The following SEZ6L variants were observed in gnomAD, a reference collection of about 807,000 sequenced individuals.
The protein encoded by SEZ6L is seizure 6-like protein.
A neutral mutation model predicts 106.2 loss-of-function variants in SEZ6L; 37 were observed. The observed-to-expected ratio is 0.35, with a 90% confidence interval of 0.27 to 0.46. The LOEUF (loss-of-function observed/expected upper bound fraction) is 0.46, where lower values mean the gene tolerates loss of function less well. Among genes scored for constraint, SEZ6L ranks in the 20% least tolerant of loss-of-function variants. The probability of loss-of-function intolerance (pLI) is 1.00; values close to 1 mark genes in which losing one functional copy is unlikely to be tolerated. For synonymous variants in SEZ6L, 541 were observed against 570.4 expected (o/e 0.95, Z 0.73); for missense variants, 1,172 against 1,332.8 (o/e 0.88, Z 1.88).
intron 2 of SEZ6L, 76 bp from the exon 3 acceptor site, chr22:26,294,216 C>A: frequency 1.3e-6 from 2 of 1,481,792 alleles, no homozygotes. Context: ...CTAAAGCCCC[C>A]ATTCCACCCC....
chr22:26,382,513 G>A lies in SEZ6L; in HGVS notation c.*2218G>A, dbSNP rs2084439995. The A allele has an allele frequency of 6.6e-6, 1 of 152,468 alleles. No individual in the cohort carries two copies. Among genetic ancestry groups the A allele is most frequent in the Admixed American group, 6.5e-5 (1 of 15,300 alleles). The allele number at this position is 152,468 out of a possible 1,614,324, so 9.4% of individuals were successfully genotyped here. A position where few individuals can be genotyped will look rare whatever the true frequency, so the allele number is the denominator to read the frequency against. ...CTATTGGAAAGATAGAAAAGGCGTT[G>A]TGTTTTTTGTTTTTTTGTTGTTGTT... On this transcript the variant is annotated 3_prime_UTR_variant, in exon 17 of 17. Coordinates refer to ENST00000248933, the MANE Select transcript of SEZ6L (RefSeq NM_021115.5).
chr22:26,271,522 C>T (rs7289003), intron 1 of SEZ6L, among the ~76,000 whole-genome samples: 8,994 of 152,188 alleles, frequency 0.059, 434 homozygotes, highest in African/African-American at 0.13. Flanking sequence ...GGGAGCGGAT[C>T]CCCCCTCATG....
chr22:26,339,952 C>T (rs542244357), intron 9 of SEZ6L, among the ~76,000 whole-genome samples: 3 of 152,240 alleles, frequency 2.0e-5, no homozygotes, highest in Non-Finnish European at 4.4e-5. Context: ...ACCCAACTGA[C>T]GGCCGGGCAC....
chr22:26,341,142 C>T (rs777809098), intron 10 of SEZ6L, among the ~76,000 whole-genome samples: 6 of 152,152 alleles, frequency 3.9e-5, no homozygotes, highest in East Asian at 1.9e-4. Context: ...CCTGTAGCCT[C>T]GTTGAACAAG....
Position 26,371,282 on chromosome 22 carries a change from AT to A in SEZ6L, c.2795-2168del. Among the ~76,000 whole-genome samples, 3 of 152,292 alleles carry A rather than the reference AT, an allele frequency of 2.0e-5. 1 individual carries two copies. The Middle Eastern group carries it at 0.01, about 518-fold the overall frequency. On this transcript the variant is annotated intron_variant, in intron 13 of 16. Transcript: ENST00000248933. ...GGACAGATTCCTCAAAGCAGGATTG[AT>A]GGTGTGGGCAAAGATCTATGGATAT...
intron 1 of SEZ6L, among the ~76,000 whole-genome samples, chr22:26,194,558 T>C (rs1287005352): frequency 6.6e-6 from 1 of 152,192 alleles, no homozygotes; most frequent in East Asian, 1.9e-4. Flanking sequence ...CTGATGACAT[T>C]TTGGAATCAG....
chr22:26,235,044 C>T (rs945218568), intron 1 of SEZ6L, among the ~76,000 whole-genome samples: 2 of 152,188 alleles, frequency 1.3e-5, no homozygotes, highest in African/African-American at 4.8e-5. Context: ...CACCATATTG[C>T]GTGTTCACTG....
At chr22:26,173,758 A>C (rs1190205471) in intron 1 of SEZ6L, among the ~76,000 whole-genome samples, 1 of 152,198 alleles carries the variant, frequency 6.6e-6, no homozygotes, top group African/African-American at 2.4e-5. Context: ...GTATCTGGTG[A>C]GTGTCTGTCA....
intron 9 of SEZ6L, among the ~76,000 whole-genome samples, chr22:26,322,268 G>A (rs139140679): frequency 8.5e-5 from 13 of 152,276 alleles, no homozygotes; most frequent in African/African-American, 1.7e-4. Flanking sequence ...GAGAGGTTAC[G>A]TGGTTTCCTC....
At chr22:26,232,731 A>C (rs1288313851) in intron 1 of SEZ6L, among the ~76,000 whole-genome samples, 2 of 152,196 alleles carry the variant, frequency 1.3e-5, no homozygotes, top group Non-Finnish European at 2.9e-5. Flanking sequence ...ACTTGTGCAA[A>C]TGCACTCTCT....
chr22:26,278,663 C>G (rs2080635198), intron 1 of SEZ6L, among the ~76,000 whole-genome samples: 1 of 152,000 alleles, frequency 6.6e-6, no homozygotes, highest in Non-Finnish European at 1.5e-5. Flanking sequence ...GCTCTCCTGG[C>G]TTCTCTTGTG....
intron 13 of SEZ6L, among the ~76,000 whole-genome samples, chr22:26,369,700 C>T (rs1259325671): frequency 6.6e-6 from 1 of 151,910 alleles, no homozygotes; most frequent in Admixed American, 6.6e-5. Flanking sequence ...AGTAAGAAAT[C>T]CACAATTAGC....
At chr22:26,221,444 G>C (rs1295129907) in intron 1 of SEZ6L, among the ~76,000 whole-genome samples, 1 of 152,132 alleles carries the variant, frequency 6.6e-6, no homozygotes, top group Non-Finnish European at 1.5e-5. Context: ...CACTTTGCTA[G>C]AAAGTGACTG....
Position 26,292,900 on chromosome 22 carries a change from C to G in SEZ6L, c.589C>G (p.Pro197Ala). 6.2e-7 allele frequency: 1 copy of G among 1,614,190 alleles called. No individual in the cohort carries two copies. The highest frequency in any genetic ancestry group is 1.1e-5 in the South Asian group (1 of 91,082). Residue 197 changes from proline (P) to alanine (A), a missense_variant, in exon 2 of 17, where the codon CCC becomes GCC. Physicochemically the swap from Pro to Ala is conservative, Grantham distance 27 (BLOSUM62 -1). Around this residue, in one of 4 missense-constraint regions of SEZ6L, gnomAD observed 494 missense variants for 445.8 expected, o/e 1.11. Transcript: ENST00000248933. ...DRKESAVPTTPAPLQISPFTS... is the reference protein window; with the variant it reads ...DRKESAVPTTAAPLQISPFTS... ...AAAGGAGAGTGCGGTCCCTACAACA[C>G]CCGCACCCCTGCAAATCTCCCCCTT...
In SEZ6L at chr22:26,293,094, C is replaced by G; in HGVS notation, c.783C>G (p.Thr261=). 1 of 1,604,966 alleles carries G rather than the reference C, an allele frequency of 6.2e-7. No individual in the cohort carries two copies. The highest frequency in any genetic ancestry group is 8.5e-7 in the Non-Finnish European group (1 of 1,178,164). Residue 261 remains threonine, a synonymous_variant, in exon 2 of 17, where the codon ACC becomes ACG. Coordinates refer to ENST00000248933, the MANE Select transcript of SEZ6L (RefSeq NM_021115.5). ...CAGCCTCAGAGGAGAGCCAGGAGACCACTACCTCCACCATTATCACCACCA... is the reference window on the plus strand; with the variant it reads ...CAGCCTCAGAGGAGAGCCAGGAGACGACTACCTCCACCATTATCACCACCA... The part of the protein sequence containing the change: ...TGSASEESQE[T]TTSTIITTTV...
intron 1 of SEZ6L, among the ~76,000 whole-genome samples, chr22:26,248,350 T>C (rs1399528183): frequency 1.3e-5 from 2 of 152,180 alleles, no homozygotes; most frequent in Non-Finnish European, 2.9e-5. Flanking sequence ...GGAACTACTA[T>C]TGGTATCTTT....
intron 1 of SEZ6L, among the ~76,000 whole-genome samples, chr22:26,206,563 G>T (rs942118351): frequency 1.3e-5 from 2 of 152,148 alleles, no homozygotes; most frequent in African/African-American, 2.4e-5. Context: ...GAAGAGCCAG[G>T]ATTCAAAACC....
intron 1 of SEZ6L, among the ~76,000 whole-genome samples, chr22:26,199,599 G>A (rs1351051967): frequency 6.6e-6 from 1 of 152,134 alleles, no homozygotes; most frequent in African/African-American, 2.4e-5. Flanking sequence ...ATTACCTCTC[G>A]ATGCTTCCAG....
chr22:26,325,927 CCA>C (rs59284489), intron 9 of SEZ6L, among the ~76,000 whole-genome samples: 47,819 of 148,926 alleles, frequency 0.32, 7,874 homozygotes, highest in Non-Finnish European at 0.36. Context: ...ATCACACACA[CCA>C]CACACACACA....
Sources: allele counts gnomAD v4.1 joint callset (sites outside exome capture counted in the v4.1 genomes callset), GRCh38; gene constraint gnomAD v4.1.1; regional missense constraint gnomAD v4.1.1; transcripts MANE v1.5; gene names NCBI Gene and HGNC (gene_info 2026-07-23, HGNC 2026-07-21).